Variants in NLRP1 observed in about 807,000 individuals in gnomAD.
NLRP1 encodes the protein NACHT, LRR and PYD domains-containing protein 1.
In NLRP1, 94 loss-of-function variants were observed where a neutral mutation model predicts 136.7. The observed-to-expected ratio is 0.69, with a 90% confidence interval of 0.58 to 0.82. The LOEUF (loss-of-function observed/expected upper bound fraction) is 0.82, where lower values mean the gene tolerates loss of function less well. Among genes scored for constraint, NLRP1 ranks in the 40% least tolerant of loss-of-function variants. The pLI is 0.00. For missense variants in NLRP1, 1,575 were observed against 1,802.7 expected, an observed-to-expected ratio of 0.87 and a Z score of 2.29; for synonymous variants, 690 against 725.1, an observed-to-expected ratio of 0.95 and a Z score of 0.78.
In NLRP1 at chr17:5,517,854, C is replaced by T; in HGVS notation, c.3949G>A (p.Asp1317Asn). 6.2e-7 allele frequency: 1 copy of T among 1,614,204 alleles called. No individual in the cohort carries two copies. Among genetic ancestry groups the T allele is most frequent in the Admixed American group, 1.7e-5 (1 of 60,032 alleles). The change falls in exon 15 of 17, where the codon GAC (aspartate) becomes AAC (asparagine). Residue 1317 changes from aspartate (D) to asparagine (N), a missense_variant. By Grantham distance (23) the Asp-to-Asn change is conservative. Coordinates refer to ENST00000572272, the MANE Select transcript of NLRP1 (RefSeq NM_033004.4). The stretch of plus-strand genomic sequence containing the variant: ...ACGTAGAACTCCGAGAACAGCTGGT[C>T]TTCTCCAGGGCTTCGATAGCAGAGC... ...LELCYRSPGEDQLFSEFYVGH... is the reference protein window; with the variant it reads ...LELCYRSPGENQLFSEFYVGH...
chr17:5,523,829 C>T (rs1037031251), intron 12 of NLRP1, among the ~76,000 whole-genome samples: 5 of 152,172 alleles, frequency 3.3e-5, no homozygotes, highest in Non-Finnish European at 7.3e-5. Context: ...CATTTAACTG[C>T]GTTTTTGGGA....
chr17:5,515,096 T>C (rs201547832), intron 16 of NLRP1, 23 bp from the exon 17 acceptor site: 186 of 1,605,842 alleles, frequency 1.2e-4, no homozygotes, highest in Admixed American at 2.5e-4. Context: ...AAAGAAGGGC[T>C]CCAACCACAG....
rs367794265 is a variant in NLRP1 at position 5,532,901 on chromosome 17, A to C, written c.3217T>G (p.Leu1073Val). 9 of 1,613,916 alleles carry C rather than the reference A, an allele frequency of 5.6e-6. No individual in the cohort carries two copies. The African/African-American group carries it at 1.1e-4, about 19-fold the overall frequency. The change falls in exon 11 of 17, where the codon TTG (leucine) becomes GTG (valine). Residue 1073 changes from leucine to valine, a missense_variant. Coordinates refer to ENST00000572272, the MANE Select transcript of NLRP1 (RefSeq NM_033004.4). Reference protein sequence around the residue: ...ASQGDLHTKPLGTDDDFWGPT... With the variant: ...ASQGDLHTKPVGTDDDFWGPT... Reference sequence around the variant, plus strand: ...CCCCAGAAGTCATCGTCAGTCCCCAAAGGCTTCGTATGCAGGTCCCCTTGA... The same window carrying C: ...CCCCAGAAGTCATCGTCAGTCCCCACAGGCTTCGTATGCAGGTCCCCTTGA...
chr17:5,533,906 G>A lies in NLRP1; in HGVS notation c.3043C>T (p.Leu1015Phe). Residue 1015 changes from leucine (L) to phenylalanine (F), a missense_variant, in exon 9 of 17, where the codon CTC (leucine) becomes TTC (phenylalanine). Physicochemically the swap from Leu to Phe is conservative, Grantham distance 22. Coordinates refer to ENST00000572272, the MANE Select transcript of NLRP1 (RefSeq NM_033004.4). ...TGCCCCTTCAAACTACCTGATCCGAGTCTCTGCCGCTTGAGTGAGGATGTG... is the reference window on the plus strand; with the variant it reads ...TGCCCCTTCAAACTACCTGATCCGAATCTCTGCCGCTTGAGTGAGGATGTG... Reference protein sequence around the residue: ...NSTSSLKRQRLGSERAASHVA... With the variant: ...NSTSSLKRQRFGSERAASHVA... 1 of 1,610,166 alleles carries A rather than the reference G, an allele frequency of 6.2e-7. No individual in the cohort carries two copies. Among genetic ancestry groups the A allele is most frequent in the South Asian group, 1.1e-5 (1 of 90,746 alleles).
rs530799056 is a variant in NLRP1, at chr17:5,517,972, G to C, written c.3916-85C>G. Reference sequence around the variant, plus strand: ...ACCTGACACCTTCTTGGCCCTGCTTGGCTCCATAAGGACACTCTGATGATC... The same window carrying C: ...ACCTGACACCTTCTTGGCCCTGCTTCGCTCCATAAGGACACTCTGATGATC... On this transcript the variant is annotated intron_variant, in intron 14 of 16. Coordinates refer to ENST00000572272, the MANE Select transcript of NLRP1 (RefSeq NM_033004.4). 9.2e-6 allele frequency: 12 copies of C among 1,308,464 alleles called. No individual in the cohort carries two copies. In the East Asian group the frequency reaches 2.3e-4, roughly 25 times the overall value. The allele number at this position is 1,308,464 out of a possible 1,614,324, so 81.1% of individuals were successfully genotyped here.
intron 3 of NLRP1, among the ~76,000 whole-genome samples, chr17:5,574,070 A>T (rs1282679261): frequency 2.0e-5 from 3 of 152,218 alleles, no homozygotes; most frequent in South Asian, 4.1e-4. Flanking sequence ...AAAAGATTAG[A>T]CAAATGGCTA....
intron 14 of NLRP1, 54 bp from the exon 15 acceptor site, chr17:5,517,941 T>G: frequency 6.3e-7 from 1 of 1,594,358 alleles, no homozygotes. Flanking sequence ...TGGAAGGTCT[T>G]TCCCCACCTG....
At chr17:5,517,994 G>A in intron 14 of NLRP1, 107 bp from the exon 15 acceptor site, 1 of 1,033,254 alleles carries the variant, frequency 9.7e-7, no homozygotes, top group Non-Finnish European at 1.4e-6. Flanking sequence ...ACACTCTGAT[G>A]ATCCCTGTAC....
At chr17:5,575,778 T>C (rs901329577) in intron 3 of NLRP1, among the ~76,000 whole-genome samples, 4 of 152,186 alleles carry the variant, frequency 2.6e-5, no homozygotes, top group Admixed American at 6.5e-5. Context: ...AGGGACCTAA[T>C]AGACATCTAC....
chr17:5,517,370 C>T (rs1908290726), intron 15 of NLRP1, among the ~76,000 whole-genome samples: 1 of 141,174 alleles, frequency 7.1e-6, no homozygotes, highest in African/African-American at 2.7e-5. Flanking sequence ...CTCCCACATA[C>T]ACAGACTTTC....
chr17:5,548,424 A>C (rs1912940867), intron 5 of NLRP1, among the ~76,000 whole-genome samples: 1 of 151,388 alleles, frequency 6.6e-6, no homozygotes, highest in African/African-American at 2.4e-5. Flanking sequence ...GCCATCAATG[A>C]CTCCTTCTCC....
rs749092805 is a variant in NLRP1, at chr17:5,541,936, A to C, written c.2620T>G (p.Phe874Val). Residue 874 changes from phenylalanine to valine, a missense_variant, in exon 6 of 17, where the codon TTC becomes GTC. Coordinates refer to ENST00000572272, the MANE Select transcript of NLRP1 (RefSeq NM_033004.4). The surrounding 1 kb of genome is among the most constrained non-coding windows in gnomAD (Gnocchi z 4.2). ...GCTCCAGCATCCGTGAGCACATTGA[A>C]GCTCAGGTCCAGCTCGGTCAGGGTC... ...NQTLTELDLS[F>V]NVLTDAGAKH... is the part of the protein sequence containing the mutation. 5 of 1,614,002 alleles carry C rather than the reference A, an allele frequency of 3.1e-6. No homozygotes were observed. The South Asian group carries it at 5.5e-5, about 18-fold the overall frequency.
intron 10 of NLRP1, 48 bp downstream of exon 10, chr17:5,533,256 G>C (rs200402624): frequency 3.0e-5 from 46 of 1,551,446 alleles, no homozygotes; most frequent in Non-Finnish European, 3.7e-5. Flanking sequence ...CAGGTTGAGA[G>C]AGAACATGGT....
In NLRP1 at chr17:5,532,994, C is replaced by G; in HGVS notation, c.3134-10G>C. On this transcript the variant is annotated splice_polypyrimidine_tract_variant and intron_variant, in intron 10 of 16. Transcript: ENST00000572272. ...TCTGGGGAGCTTTCCTCTGAAACAGCAAGGCAGCGGTCAGCTCCAGATTCT... is the reference window on the plus strand; with the variant it reads ...TCTGGGGAGCTTTCCTCTGAAACAGGAAGGCAGCGGTCAGCTCCAGATTCT... 6.2e-7 allele frequency: 1 copy of G among 1,608,924 alleles called. No homozygotes were observed. The highest frequency in any genetic ancestry group is 1.1e-5 in the South Asian group (1 of 90,396).
At chr17:5,576,269 T>C (rs1905010450) in intron 3 of NLRP1, among the ~76,000 whole-genome samples, 1 of 151,892 alleles carries the variant, frequency 6.6e-6, no homozygotes, top group Non-Finnish European at 1.5e-5. Flanking sequence ...AAGAAATAAC[T>C]AAGATCAGAG....
intron 11 of NLRP1, 81 bp downstream of exon 11, chr17:5,532,741 G>T: frequency 7.7e-7 from 1 of 1,296,604 alleles, no homozygotes; most frequent in Non-Finnish European, 1.0e-6. Flanking sequence ...GTAGGGGGTG[G>T]CGCTGACTGT....
chr17:5,519,708 A>G (rs1348478730), intron 14 of NLRP1, among the ~76,000 whole-genome samples: 1 of 152,092 alleles, frequency 6.6e-6, no homozygotes, highest in Non-Finnish European at 1.5e-5. Context: ...TTGGTCTCCC[A>G]AAGTGCTGGG....
At chr17:5,566,972 A>C (rs1187305878) in intron 3 of NLRP1, among the ~76,000 whole-genome samples, 1 of 152,052 alleles carries the variant, frequency 6.6e-6, no homozygotes, top group Non-Finnish European at 1.5e-5. Context: ...TGTCTGATAC[A>C]AGTATAGTGA....
Position 5,521,629 on chromosome 17 carries a change from C to T in NLRP1, c.3678G>A (p.Leu1226=). 1 of 1,614,052 alleles carries T rather than the reference C, an allele frequency of 6.2e-7. No individual in the cohort carries two copies. Among genetic ancestry groups the T allele is most frequent in the Non-Finnish European group, 8.5e-7 (1 of 1,180,024 alleles). ...CCACAGAGGTGACGGGAATGAAGCG[C>T]AGGGCATTATGGATCATTTTCAGGA... ...GVLLKMIHNA[L]RFIPVTSVVL... is the part of the protein sequence containing the mutation. Residue 1226 remains leucine (L), a synonymous_variant, in exon 13 of 17, where the codon CTG becomes CTA. Coordinates refer to ENST00000572272, the MANE Select transcript of NLRP1 (RefSeq NM_033004.4).
Sources: allele counts gnomAD v4.1 joint callset (sites outside exome capture counted in the v4.1 genomes callset), GRCh38; gene constraint gnomAD v4.1.1; non-coding constraint Gnocchi (gnomAD v3.1); transcripts MANE v1.5; gene names NCBI Gene and HGNC (gene_info 2026-07-23, HGNC 2026-07-21).